Variants in EFHC2 observed in about 807,000 individuals in gnomAD.
The protein encoded by EFHC2 is EF-hand domain containing 2.
EFHC2 carries 18 observed loss-of-function variants against 52.7 expected under a neutral mutation model. The observed-to-expected ratio is 0.34, with a 90% confidence interval of 0.24 to 0.51. The LOEUF (loss-of-function observed/expected upper bound fraction) is 0.51, where lower values mean the gene tolerates loss of function less well. Ranked by LOEUF, EFHC2 falls within the 20% of genes least tolerant of loss-of-function variation. The pLI is 0.97. For synonymous variants in EFHC2, 203 were observed against 204.1 expected, an observed-to-expected ratio of 0.99 and a Z score of 0.04; for missense variants, 513 against 562.5, an observed-to-expected ratio of 0.91 and a Z score of 0.89.
At chrX:44,236,555 CAGAGGCA>C (rs2037321650) in intron 8 of EFHC2, among the ~76,000 whole-genome samples, 1 of 112,262 alleles carries the variant, frequency 8.9e-6, no homozygotes, top group Non-Finnish European at 1.9e-5. Flanking sequence ...TTCTGATTTG[CAGAGGCA>C]AAAAGTGCTT....
At chrX:44,316,453 T>G (rs1474357506) in intron 1 of EFHC2, among the ~76,000 whole-genome samples, 1 of 112,153 alleles carries the variant, frequency 8.9e-6, no homozygotes, top group East Asian at 2.8e-4. Flanking sequence ...GCAATGGGTT[T>G]CATACATGTG....
chrX:44,338,771 T>A (rs2038133072), intron 1 of EFHC2, among the ~76,000 whole-genome samples: 1 of 111,475 alleles, frequency 9.0e-6, no homozygotes, highest in Non-Finnish European at 1.9e-5. Context: ...ATTCCTTTTT[T>A]TTTTATTGCT....
At chrX:44,244,482 C>T (rs1462893684) in intron 7 of EFHC2, among the ~76,000 whole-genome samples, 1 of 112,158 alleles carries the variant, frequency 8.9e-6, no homozygotes, top group Admixed American at 9.5e-5. Context: ...GCATCTTCCC[C>T]AATGTCTCAA....
At chrX:44,190,712 T>C (rs200396230) in intron 11 of EFHC2, among the ~76,000 whole-genome samples, 1 of 99,642 alleles carries the variant, frequency 1.0e-5, no homozygotes, top group South Asian at 4.6e-4. Flanking sequence ...GAAAAAAAAA[T>C]GGCTCCAGGC....
intron 4 of EFHC2, among the ~76,000 whole-genome samples, chrX:44,259,603 C>T (rs750122125): frequency 2.1e-4 from 24 of 111,927 alleles, no homozygotes; most frequent in East Asian, 1.1e-3. Flanking sequence ...CAGTGCTCTG[C>T]GCATTTTCAT....
At chrX:44,267,072 GAAC>G (rs1455083270) in intron 3 of EFHC2, among the ~76,000 whole-genome samples, 1 of 111,712 alleles carries the variant, frequency 9.0e-6, no homozygotes, top group Non-Finnish European at 1.9e-5. Context: ...TTTCAACTGA[GAAC>G]AACTGGTATA....
At chrX:44,229,614 G>A (rs1244938910) in intron 11 of EFHC2, 35 bp downstream of exon 11, 1 of 1,206,741 alleles carries the variant, frequency 8.3e-7, no homozygotes, top group East Asian at 3.0e-5. Context: ...AACCTTGAGG[G>A]GAAAACAGGT....
chrX:44,300,794 G>C lies in EFHC2; in HGVS notation c.231+11774C>G, dbSNP rs542215140. 7.2e-5 allele frequency among the ~76,000 whole-genome samples: 8 copies of C among 110,755 alleles called. No homozygotes were observed. The South Asian group carries it at 3.1e-3, about 43-fold the overall frequency. On this transcript the variant is annotated intron_variant, in intron 2 of 14. Transcript: ENST00000420999. ...TCTAAACCTCCCCAAATTGCTCCTG[G>C]GGATGAATAAGATCACTATTATAAA... is the stretch of plus-strand genomic sequence containing the variant.
At chrX:44,211,821 G>A (rs1457163502) in intron 11 of EFHC2, among the ~76,000 whole-genome samples, 2 of 93,384 alleles carry the variant, frequency 2.1e-5, no homozygotes, top group African/African-American at 8.2e-5. Flanking sequence ...GCAGTCAGCC[G>A]AGATCACGCC....
At chrX:44,165,577 T>C (rs1249390742) in intron 13 of EFHC2, among the ~76,000 whole-genome samples, 3 of 112,234 alleles carry the variant, frequency 2.7e-5, no homozygotes, top group Non-Finnish European at 3.8e-5. Context: ...TAATAAACTT[T>C]TTTTTAGCAC....
intron 2 of EFHC2, among the ~76,000 whole-genome samples, chrX:44,278,731 A>G (rs12007760): frequency 0.24 from 25,942 of 110,322 alleles, 3,989 homozygotes; most frequent in African/African-American, 0.55. Flanking sequence ...GAACAAACAA[A>G]TCTTGCTATT....
intron 11 of EFHC2, among the ~76,000 whole-genome samples, chrX:44,209,587 A>G (rs377159769): frequency 8.1e-5 from 9 of 110,556 alleles, no homozygotes; most frequent in African/African-American, 3.0e-4. Flanking sequence ...CATCAAAAAT[A>G]AAATATTTAG....
At chrX:44,302,334 A>C (rs1228237844) in intron 2 of EFHC2, among the ~76,000 whole-genome samples, 1 of 112,263 alleles carries the variant, frequency 8.9e-6, no homozygotes, top group East Asian at 2.8e-4. Flanking sequence ...GGGCCTTAAA[A>C]TGTTGTCAAA....
At chrX:44,161,274 G>T (rs1044365649) in intron 14 of EFHC2, among the ~76,000 whole-genome samples, 3 of 111,970 alleles carry the variant, frequency 2.7e-5, no homozygotes, top group African/African-American at 9.7e-5. Flanking sequence ...TGGAAATCGA[G>T]AAGAGTTTAA....
intron 1 of EFHC2, among the ~76,000 whole-genome samples, chrX:44,324,516 C>T (rs1468666616): frequency 9.0e-6 from 1 of 110,882 alleles, no homozygotes; most frequent in Admixed American, 9.7e-5. Context: ...TACATGCTTG[C>T]TTCTTTGAGG....
intron 5 of EFHC2, among the ~76,000 whole-genome samples, chrX:44,249,933 CAAT>C (rs1014181679): frequency 8.9e-6 from 1 of 112,596 alleles, no homozygotes; most frequent in African/African-American, 3.2e-5. Flanking sequence ...GATGTGAACT[CAAT>C]GATGAATAGG....
intron 2 of EFHC2, among the ~76,000 whole-genome samples, chrX:44,293,047 G>A (rs981430766): frequency 9.6e-6 from 1 of 104,210 alleles, no homozygotes; most frequent in Non-Finnish European, 2.0e-5. Context: ...GTGCGATCTC[G>A]GCTCACTGCA....
At chrX:44,149,689 T>C (rs1602120275) in intron 14 of EFHC2, among the ~76,000 whole-genome samples, 1 of 111,216 alleles carries the variant, frequency 9.0e-6, no homozygotes, top group South Asian at 3.8e-4. Context: ...CTAATTTTTG[T>C]ATTTCTAGGA....
intron 11 of EFHC2, among the ~76,000 whole-genome samples, chrX:44,218,922 CA>C (rs2037172093): frequency 9.0e-6 from 1 of 110,893 alleles, no homozygotes; most frequent in Admixed American, 9.6e-5. Flanking sequence ...ATATTAGCCC[CA>C]AATCGAAAAC....
Sources: allele counts gnomAD v4.1 joint callset (sites outside exome capture counted in the v4.1 genomes callset), GRCh38; gene constraint gnomAD v4.1.1; transcripts MANE v1.5; gene names NCBI Gene and HGNC (gene_info 2026-07-23, HGNC 2026-07-21).